FLT1: variants seen among roughly 807,000 people sequenced by gnomAD.
FLT1 encodes the protein vascular endothelial growth factor receptor 1.
Under a neutral mutation model 156.3 loss-of-function variants are expected in FLT1, and 49 were observed. The observed-to-expected ratio is 0.31, with a 90% CI of 0.25 to 0.40. The LOEUF (loss-of-function observed/expected upper bound fraction) is 0.40, where lower values mean the gene tolerates loss of function less well. Ranked by LOEUF, FLT1 falls within the 10% of genes least tolerant of loss-of-function variation. FLT1 has a pLI of 1.00. For missense variants in FLT1, 1,322 were observed against 1,637.2 expected (o/e 0.81, Z 3.32); for synonymous variants, 594 against 583.8 (o/e 1.02, Z -0.25).
At chr13:28,472,014 C>T (rs532605014) in intron 1 of FLT1, among the ~76,000 whole-genome samples, 7 of 152,302 alleles carry the variant, frequency 4.6e-5, no homozygotes, top group Admixed American at 1.3e-4. Context: ...AACATGTGAA[C>T]GTGGACTTAT....
chr13:28,390,376 C>A (rs61763184), intron 12 of FLT1, among the ~76,000 whole-genome samples: 1,884 of 152,248 alleles, frequency 0.012, 34 homozygotes, highest in African/African-American at 0.043. Context: ...GGCATATTTT[C>A]TCCAACTTGG....
intron 10 of FLT1, among the ~76,000 whole-genome samples, chr13:28,417,873 T>C (rs1876752850): frequency 6.6e-6 from 1 of 152,116 alleles, no homozygotes; most frequent in South Asian, 2.1e-4. Context: ...CCCCATTTCA[T>C]TCCCTCATCA....
At chr13:28,464,894 G>T (rs612536) in intron 3 of FLT1, among the ~76,000 whole-genome samples, 1 of 152,130 alleles carries the variant, frequency 6.6e-6, no homozygotes, top group Non-Finnish European at 1.5e-5. Flanking sequence ...TTGCAAGTCA[G>T]ACTGATAAAC....
intron 10 of FLT1, among the ~76,000 whole-genome samples, chr13:28,425,069 C>A (rs1877262551): frequency 2.0e-5 from 3 of 152,024 alleles, no homozygotes; most frequent in Non-Finnish European, 2.9e-5. Context: ...TCTGAAACAC[C>A]TCTAAGTTAA....
chr13:28,347,042 G>A (rs1354764624), intron 15 of FLT1, among the ~76,000 whole-genome samples: 4 of 152,154 alleles, frequency 2.6e-5, no homozygotes, highest in Non-Finnish European at 5.9e-5. Flanking sequence ...ACCTAACCAA[G>A]AGACTTAAGG....
At chr13:28,412,160 GGCGGC>G (rs1876238281) in intron 10 of FLT1, among the ~76,000 whole-genome samples, 1 of 152,198 alleles carries the variant, frequency 6.6e-6, no homozygotes. Flanking sequence ...CCCCCATTAT[GGCGGC>G]CATCCTGTAG....
chr13:28,311,567 A>G (rs1345399850), intron 27 of FLT1, 23 bp downstream of exon 27: 13 of 1,600,740 alleles, frequency 8.1e-6, no homozygotes, highest in African/African-American at 2.7e-5. Context: ...TCTGTGATAT[A>G]AAGTTTGAGA....
In FLT1 at chr13:28,405,829, C is replaced by A. The variant is rs61763181; in HGVS notation, c.1502G>T (p.Arg501Ile). ...ILDADSNMGN[R>I]IESITQRMAI... ...CATGCGCTGAGTGATGCTCTCAATT[C>A]TGTTTCCCATGTTGCTGTCAGCATC... Residue 501 changes from arginine (R) to isoleucine (I), a missense_variant, in exon 11 of 30, where the codon AGA (arginine) becomes ATA (isoleucine). Around this residue, in one of 3 missense-constraint regions of FLT1, gnomAD observed 991 missense variants for 1,254.8 expected, o/e 0.79. Transcript: ENST00000282397. 6.2e-7 allele frequency: 1 copy of A among 1,610,876 alleles called. No homozygotes were observed. The highest frequency in any genetic ancestry group is 1.3e-5 in the African/African-American group (1 of 74,808).
At chr13:28,424,079 T>C (rs1227709019) in intron 10 of FLT1, among the ~76,000 whole-genome samples, 1 of 152,040 alleles carries the variant, frequency 6.6e-6, no homozygotes, top group Non-Finnish European at 1.5e-5. Flanking sequence ...GCTGGAATTA[T>C]AGGTGCCTGC....
chr13:28,471,245 C>G (rs369491956), intron 1 of FLT1, among the ~76,000 whole-genome samples: 2 of 152,230 alleles, frequency 1.3e-5, no homozygotes, highest in Admixed American at 6.5e-5. Flanking sequence ...GTATAAGGAA[C>G]AAATTTCCAA....
intron 14 of FLT1, among the ~76,000 whole-genome samples, chr13:28,360,739 C>T (rs577007804): frequency 6.6e-6 from 1 of 152,232 alleles, no homozygotes; most frequent in East Asian, 1.9e-4. Flanking sequence ...TACAAAGTTA[C>T]AGTTAGATAA....
At chr13:28,433,571 T>C (rs1223065110) in intron 6 of FLT1, among the ~76,000 whole-genome samples, 2 of 152,094 alleles carry the variant, frequency 1.3e-5, no homozygotes, top group Non-Finnish European at 2.9e-5. Context: ...CCTAGAATCA[T>C]GCAATAGAAA....
chr13:28,422,726 T>C (rs1877083127), intron 10 of FLT1, among the ~76,000 whole-genome samples: 1 of 152,008 alleles, frequency 6.6e-6, no homozygotes, highest in Admixed American at 6.5e-5. Context: ...GGCCACACAA[T>C]TGTCCAGTCA....
chr13:28,383,788 G>A (rs369211980), intron 14 of FLT1, among the ~76,000 whole-genome samples: 9 of 152,244 alleles, frequency 5.9e-5, no homozygotes, highest in African/African-American at 1.7e-4. Context: ...GAGTGAGATC[G>A]TGCCACTGCA....
chr13:28,489,890 T>C (rs572758700), intron 1 of FLT1, among the ~76,000 whole-genome samples: 5 of 152,212 alleles, frequency 3.3e-5, no homozygotes, highest in African/African-American at 7.2e-5. Context: ...AGCCATCATT[T>C]TGATTCTTAG....
intron 11 of FLT1, among the ~76,000 whole-genome samples, chr13:28,402,963 A>G (rs1214835757): frequency 6.6e-6 from 1 of 151,978 alleles, no homozygotes; most frequent in Non-Finnish European, 1.5e-5. Flanking sequence ...TATTGCTAGT[A>G]GAGACGGGGT....
intron 19 of FLT1, 41 bp downstream of exon 19, chr13:28,329,574 G>A: frequency 7.2e-7 from 1 of 1,380,140 alleles, no homozygotes; most frequent in Non-Finnish European, 1.0e-6. Context: ...CTCCCAGCCT[G>A]TGCAGGGGGA....
intron 13 of FLT1, chr13:28,387,233 G>T (rs1020887666): frequency 4.8e-5 from 50 of 1,038,606 alleles, no homozygotes; most frequent in Non-Finnish European, 5.6e-5. Context: ...GAAATATACA[G>T]TAATATGCAT....
chr13:28,465,337 C>T (rs1024675445), intron 3 of FLT1, among the ~76,000 whole-genome samples: 1 of 152,038 alleles, frequency 6.6e-6, no homozygotes, highest in South Asian at 2.1e-4. Flanking sequence ...AGTTATCTAC[C>T]CCCTGGACAA....
Sources: allele counts gnomAD v4.1 joint callset (sites outside exome capture counted in the v4.1 genomes callset), GRCh38; gene constraint gnomAD v4.1.1; regional missense constraint gnomAD v4.1.1; transcripts MANE v1.5; gene names NCBI Gene and HGNC (gene_info 2026-07-23, HGNC 2026-07-21).